The following NRXN1 variants were observed in gnomAD, a reference collection of about 807,000 sequenced individuals.
The protein encoded by NRXN1 is neurexin-1.
NRXN1 carries 39 observed loss-of-function variants against 150.9 expected under a neutral mutation model. That is an observed-to-expected ratio of 0.26 (90% CI 0.20 to 0.34). The LOEUF is 0.34. Among genes scored for constraint, NRXN1 ranks in the 10% least tolerant of loss-of-function variants. NRXN1 has a pLI of 1.00. For missense variants in NRXN1, 1,815 were observed against 1,949.9 expected (o/e 0.93, Z 1.30); for synonymous variants, 924 against 757.0 (o/e 1.22, Z -3.62).
In NRXN1 at chr2:50,347,378, C is replaced by G. The variant is rs2078097393; in HGVS notation, c.3365-110408G>C. 8.4e-7 allele frequency: 1 copy of G among 1,193,690 alleles called. No homozygotes were observed. Among genetic ancestry groups the G allele is most frequent in the South Asian group, 1.5e-5 (1 of 66,220 alleles). The allele number at this position is 1,193,690 out of a possible 1,614,324, so 73.9% of individuals were successfully genotyped here. The stretch of plus-strand genomic sequence containing the variant: ...TCACTTCTACATGACAGACATCCAC[C>G]GCGAATCCACTAGGTAAATCCATTT... On this transcript the variant is annotated intron_variant, in intron 17 of 22. Coordinates refer to ENST00000401669, the MANE Select transcript of NRXN1 (RefSeq NM_001330078.2). The surrounding 1 kb of genome is among the most constrained non-coding windows in gnomAD (Gnocchi z 4.9).
At chr2:50,957,345 A>T (rs1373126711) in intron 2 of NRXN1, among the ~76,000 whole-genome samples, 1 of 152,114 alleles carries the variant, frequency 6.6e-6, no homozygotes, top group Admixed American at 6.6e-5. Flanking sequence ...ACTTACATAA[A>T]TTTTTTATGA....
At chr2:50,506,911 T>C in intron 12 of NRXN1, 1 of 295,020 alleles carries the variant, frequency 3.4e-6, no homozygotes, top group Non-Finnish European at 6.4e-6. Flanking sequence ...AACAAGTGAA[T>C]TAACCTGCTG....
intron 16 of NRXN1, among the ~76,000 whole-genome samples, chr2:50,467,460 T>A (rs1416122410): frequency 6.6e-6 from 1 of 151,654 alleles, no homozygotes; most frequent in Admixed American, 6.6e-5. Context: ...CTTTAGTGAA[T>A]AAATTAGAAT....
intron 8 of NRXN1, among the ~76,000 whole-genome samples, chr2:50,598,924 A>ATTTTG (rs1002910358): frequency 1.3e-5 from 2 of 151,344 alleles, no homozygotes; most frequent in African/African-American, 2.4e-5. Flanking sequence ...CACTTGGCTA[A>ATTTTG]TTTTGTTTTG....
chr2:50,296,072 C>T (rs776436485), intron 17 of NRXN1, among the ~76,000 whole-genome samples: 15 of 152,126 alleles, frequency 9.9e-5, no homozygotes, highest in Admixed American at 5.9e-4. Flanking sequence ...TCTGTGGGCA[C>T]GGCATTTCTA....
chr2:50,396,653 G>C (rs1483970552), intron 17 of NRXN1, among the ~76,000 whole-genome samples: 1 of 152,072 alleles, frequency 6.6e-6, no homozygotes, highest in Non-Finnish European at 1.5e-5. Flanking sequence ...CTGTGCGAAG[G>C]AGGCATAGCA....
intron 5 of NRXN1, among the ~76,000 whole-genome samples, chr2:50,628,047 T>G (rs1681491758): frequency 6.6e-6 from 1 of 151,860 alleles, no homozygotes; most frequent in East Asian, 1.9e-4. Flanking sequence ...GATAACTAAA[T>G]TATAAAGTTT....
At chr2:50,568,020 G>A (rs544509021) in intron 8 of NRXN1, among the ~76,000 whole-genome samples, 36 of 152,164 alleles carry the variant, frequency 2.4e-4, no homozygotes, top group African/African-American at 8.7e-4. Context: ...AGAAGAAACT[G>A]AGCTCACATA....
chr2:50,770,572 T>C (rs1014296666), intron 5 of NRXN1, among the ~76,000 whole-genome samples: 1 of 152,126 alleles, frequency 6.6e-6, no homozygotes, highest in African/African-American at 2.4e-5. Context: ...TCATTTATCA[T>C]AATTTGCTGG....
At chr2:50,629,544 G>A (rs1284025008) in intron 5 of NRXN1, among the ~76,000 whole-genome samples, 3 of 151,572 alleles carry the variant, frequency 2.0e-5, no homozygotes, top group Non-Finnish European at 4.4e-5. Flanking sequence ...TTGCCTATGG[G>A]TGTGCTAAGC....
chr2:50,398,210 A>G (rs75739259), intron 17 of NRXN1, among the ~76,000 whole-genome samples: 14,015 of 152,168 alleles, frequency 0.092, 869 homozygotes, highest in Non-Finnish European at 0.13. Context: ...GCAAATCTGC[A>G]TTATTTTGCA....
chr2:50,436,152 T>C (rs2085404276), intron 17 of NRXN1, among the ~76,000 whole-genome samples: 1 of 152,096 alleles, frequency 6.6e-6, no homozygotes, highest in Non-Finnish European at 1.5e-5. Flanking sequence ...TACTATTTAA[T>C]ATAGAAGTGT....
intron 17 of NRXN1, among the ~76,000 whole-genome samples, chr2:50,343,794 T>C (rs1366162604): frequency 6.6e-6 from 1 of 152,232 alleles, no homozygotes; most frequent in East Asian, 1.9e-4. Context: ...TTCCTTAAAC[T>C]ATACCATAAA....
chr2:49,929,992 G>T (rs1248971823), intron 22 of NRXN1, among the ~76,000 whole-genome samples: 1 of 152,214 alleles, frequency 6.6e-6, no homozygotes, highest in South Asian at 2.1e-4. Flanking sequence ...TGCAACTGCA[G>T]AATCAGATCT....
At chr2:50,496,801 A>C (rs1220974103) in intron 14 of NRXN1, among the ~76,000 whole-genome samples, 1 of 152,192 alleles carries the variant, frequency 6.6e-6, no homozygotes, top group Non-Finnish European at 1.5e-5. Flanking sequence ...ATATTTGCAG[A>C]ATGAGTGAAT....
intron 17 of NRXN1, among the ~76,000 whole-genome samples, chr2:50,373,294 T>TTTTTTA (rs1553512408): frequency 1.1e-4 from 15 of 140,412 alleles, no homozygotes; most frequent in South Asian, 2.2e-4. Flanking sequence ...TATTTTATTT[T>TTTTTTA]TTATTATTAT....
At chr2:50,989,056 T>C (rs865961535) in intron 2 of NRXN1, among the ~76,000 whole-genome samples, 1 of 152,008 alleles carries the variant, frequency 6.6e-6, no homozygotes, top group South Asian at 2.1e-4. Context: ...TCCTGAGAGA[T>C]ATTTTTCTTC....
At chr2:50,969,788 G>C (rs982709642) in intron 2 of NRXN1, among the ~76,000 whole-genome samples, 12 of 152,042 alleles carry the variant, frequency 7.9e-5, no homozygotes, top group African/African-American at 2.7e-4. Flanking sequence ...AAGGTTTGCT[G>C]AAAAAAATCA....
At chr2:50,154,937 G>C (rs1558989498) in intron 18 of NRXN1, among the ~76,000 whole-genome samples, 1 of 151,344 alleles carries the variant, frequency 6.6e-6, no homozygotes, top group Non-Finnish European at 1.5e-5. Context: ...TTGCCCAATA[G>C]ATTATATTAA....
Sources: gnomAD v4.1 joint callset for allele counts (sites outside exome capture counted in the v4.1 genomes callset) on GRCh38, gnomAD v4.1.1 for gene constraint, Gnocchi (gnomAD v3.1) non-coding constraint, MANE v1.5 for transcripts, NCBI Gene and HGNC (gene_info 2026-07-23, HGNC 2026-07-21) for gene names.